The following GATC variants were observed in gnomAD, a reference collection of about 807,000 sequenced individuals.
GATC encodes the protein glutamyl-tRNA(Gln) amidotransferase subunit C, mitochondrial.
Under a neutral mutation model 14.4 loss-of-function variants are expected in GATC, and 11 were observed. The observed-to-expected ratio is 0.77, with a 90% CI of 0.48 to 1.27. The LOEUF (loss-of-function observed/expected upper bound fraction) is 1.27, where lower values mean the gene tolerates loss of function less well. GATC is among the 50% of genes most tolerant of loss of function. The pLI is 0.00. For synonymous variants in GATC, 76 were observed against 79.3 expected (o/e 0.96, Z 0.22); for missense variants, 204 against 183.0 (o/e 1.11, Z -0.66).
At position 120,459,974 on chromosome 12, in the gene GATC, A is replaced by G. The variant is rs1306729859; in HGVS notation, c.*15A>G. On this transcript the variant is annotated 3_prime_UTR_variant, in exon 4 of 4. Coordinates refer to ENST00000551765, the MANE Select transcript of GATC (RefSeq NM_176818.3). ...CACACAGCTGAGTAGCTCATTCTGG[A>G]AAGGGGGTACTCTGTGAACATGTGG... The G allele has an allele frequency of 6.2e-7, 1 of 1,600,194 alleles. No homozygotes were observed. The highest frequency in any genetic ancestry group is 1.3e-5 in the African/African-American group (1 of 74,694).
At chr12:120,451,160 A>AAAAAAG (rs1565913155) in intron 2 of GATC, among the ~76,000 whole-genome samples, 16 of 139,470 alleles carry the variant, frequency 1.1e-4, no homozygotes, top group Admixed American at 1.5e-4. Flanking sequence ...AAAAAAAAAA[A>AAAAAAG]GGTAGACTGG....
chr12:120,451,653 A>G (rs1369558108), intron 2 of GATC, among the ~76,000 whole-genome samples: 1 of 150,794 alleles, frequency 6.6e-6, no homozygotes, highest in African/African-American at 2.4e-5. Context: ...GAGACAGAAG[A>G]ATTGCTTGAA....
Sources: allele counts gnomAD v4.1 joint callset (sites outside exome capture counted in the v4.1 genomes callset), GRCh38; gene constraint gnomAD v4.1.1; transcripts MANE v1.5; gene names NCBI Gene and HGNC (gene_info 2026-07-23, HGNC 2026-07-21).